Variants in HPSE2 observed in about 807,000 individuals in gnomAD.
The protein encoded by HPSE2 is heparanase 2 (inactive).
In HPSE2, 38 loss-of-function variants were observed where a neutral mutation model predicts 60.5. The observed-to-expected ratio is 0.63, with a 90% CI of 0.48 to 0.82. The LOEUF (loss-of-function observed/expected upper bound fraction) is 0.82. HPSE2 is among the 40% of genes least tolerant of loss of function. The pLI is 0.00. For missense variants in HPSE2, 713 were observed against 740.4 expected (o/e 0.96, Z 0.43); for synonymous variants, 295 against 293.2 (o/e 1.01, Z -0.06).
At chr10:98,795,898 C>A (rs894879701) in intron 3 of HPSE2, among the ~76,000 whole-genome samples, 1 of 152,204 alleles carries the variant, frequency 6.6e-6, no homozygotes, top group South Asian at 2.1e-4. Flanking sequence ...CCCTAGCTCA[C>A]TGACATTTCT....
chr10:98,875,343 A>G (rs1334018572), intron 3 of HPSE2, among the ~76,000 whole-genome samples: 1 of 152,068 alleles, frequency 6.6e-6, no homozygotes, highest in South Asian at 2.1e-4. Context: ...GATAAAGGAG[A>G]TATCACCACT....
intron 3 of HPSE2, among the ~76,000 whole-genome samples, chr10:98,983,716 A>C (rs1320123487): frequency 6.6e-6 from 1 of 152,222 alleles, no homozygotes; most frequent in East Asian, 1.9e-4. Flanking sequence ...CGGGAAGTGC[A>C]AGGGGTCAGG....
intron 2 of HPSE2, among the ~76,000 whole-genome samples, chr10:99,184,817 TATAGAGAGAGAGAGAG>T (rs1444849618): frequency 0.013 from 225 of 17,198 alleles, 42 homozygotes; most frequent in South Asian, 0.037. Flanking sequence ...TATATATATA[TATAGAGAGAGAGAGAG>T]AGAGAGAGAG....
intron 4 of HPSE2, among the ~76,000 whole-genome samples, chr10:98,728,532 C>A (rs746056228): frequency 6.6e-6 from 1 of 152,038 alleles, no homozygotes; most frequent in Non-Finnish European, 1.5e-5. Flanking sequence ...GCAGGAGAAT[C>A]GCTTGAACCT....
At chr10:98,664,204 C>T (rs763511415) in intron 6 of HPSE2, among the ~76,000 whole-genome samples, 6 of 151,980 alleles carry the variant, frequency 3.9e-5, no homozygotes, top group Non-Finnish European at 8.8e-5. Context: ...TGGCTGGGAC[C>T]CTGATTAAAC....
intron 2 of HPSE2, among the ~76,000 whole-genome samples, chr10:99,232,022 A>AGCTCTCAGCCTCCAAGACAGCC (rs1329039259): frequency 9.8e-5 from 15 of 152,322 alleles, no homozygotes; most frequent in African/African-American, 2.6e-4. Flanking sequence ...TTGGGCTACC[A>AGCTCTCAGCCTCCAAGACAGCC]GCTCTCAGCC....
chr10:98,479,557 T>C (rs776509777), intron 11 of HPSE2, among the ~76,000 whole-genome samples: 1 of 152,172 alleles, frequency 6.6e-6, no homozygotes. Flanking sequence ...GTCTTGAACA[T>C]GTACATGACA....
the HPSE2 span, among the ~76,000 whole-genome samples, chr10:99,313,001 A>G: frequency 4.9e-4 from 74 of 152,262 alleles, no homozygotes; most frequent in East Asian, 0.014. Context: ...TTATGCCATC[A>G]TGTGGCAATC....
intron 3 of HPSE2, among the ~76,000 whole-genome samples, chr10:99,023,256 C>T (rs1389514789): frequency 1.3e-5 from 2 of 152,086 alleles, no homozygotes; most frequent in African/African-American, 4.8e-5. Flanking sequence ...GGTGAGGCTC[C>T]TCTGTCTTTG....
At chr10:99,095,857 T>G (rs1843701442) in intron 3 of HPSE2, among the ~76,000 whole-genome samples, 1 of 152,244 alleles carries the variant, frequency 6.6e-6, no homozygotes, top group South Asian at 2.1e-4. Context: ...AGTTTTTGTG[T>G]GGACATCCTG....
chr10:98,462,382 T>C (rs1435398856), intron 11 of HPSE2, among the ~76,000 whole-genome samples: 1 of 152,322 alleles, frequency 6.6e-6, no homozygotes, highest in East Asian at 1.9e-4. Flanking sequence ...TTTCACCATG[T>C]TGGCCAGGCT....
intron 2 of HPSE2, among the ~76,000 whole-genome samples, chr10:99,224,791 G>T (rs1459216193): frequency 2.6e-5 from 4 of 152,060 alleles, no homozygotes; most frequent in African/African-American, 9.7e-5. Flanking sequence ...AAAAATTGAT[G>T]AATTACCTTT....
intron 3 of HPSE2, among the ~76,000 whole-genome samples, chr10:99,055,858 T>C (rs1453846282): frequency 2.0e-5 from 3 of 152,100 alleles, no homozygotes; most frequent in African/African-American, 7.2e-5. Context: ...TTTAAGCGCC[T>C]ATATTAGAGA....
At chr10:98,851,372 T>C (rs773814423) in intron 3 of HPSE2, among the ~76,000 whole-genome samples, 1 of 129,038 alleles carries the variant, frequency 7.7e-6, no homozygotes, top group East Asian at 2.2e-4. Flanking sequence ...CCTTAACCTC[T>C]TGCTTCACAG....
At chr10:98,937,803 C>T (rs1954852160) in intron 3 of HPSE2, among the ~76,000 whole-genome samples, 1 of 142,676 alleles carries the variant, frequency 7.0e-6, no homozygotes, top group African/African-American at 2.9e-5. Context: ...GTCCCTGACC[C>T]CTGACCCCCA....
intron 3 of HPSE2, among the ~76,000 whole-genome samples, chr10:98,941,017 T>C (rs1325524760): frequency 7.7e-6 from 1 of 129,156 alleles, no homozygotes; most frequent in Non-Finnish European, 1.5e-5. Flanking sequence ...GAAAAGGCCT[T>C]TCACAAAATT....
intron 7 of HPSE2, among the ~76,000 whole-genome samples, chr10:98,631,170 G>A (rs1401658167): frequency 1.3e-5 from 2 of 151,986 alleles, no homozygotes; most frequent in Non-Finnish European, 2.9e-5. Flanking sequence ...TTAATTTGCG[G>A]CTTCTGTTTC....
At chr10:99,045,305 T>G (rs1957830253) in intron 3 of HPSE2, among the ~76,000 whole-genome samples, 1 of 152,076 alleles carries the variant, frequency 6.6e-6, no homozygotes, top group Non-Finnish European at 1.5e-5. Context: ...TTCATTGAAA[T>G]TAATGAAATT....
At chr10:98,498,336 C>A (rs1941920242) in intron 9 of HPSE2, among the ~76,000 whole-genome samples, 1 of 152,112 alleles carries the variant, frequency 6.6e-6, no homozygotes, top group Non-Finnish European at 1.5e-5. Context: ...GCAGACAACC[C>A]CCAGTACCAG....
Sources: allele counts gnomAD v4.1 joint callset (sites outside exome capture counted in the v4.1 genomes callset), GRCh38; gene constraint gnomAD v4.1.1; transcripts MANE v1.5; gene names NCBI Gene and HGNC (gene_info 2026-07-23, HGNC 2026-07-21).